Variants in FAM107A observed in about 807,000 individuals in gnomAD.
FAM107A encodes family with sequence similarity 107 member A, also known as actin-associated protein FAM107A.
Under a neutral mutation model 13.7 loss-of-function variants are expected in FAM107A, and 19 were observed. That is an observed-to-expected ratio of 1.38 (90% CI 0.97 to 2.03). FAM107A has a LOEUF of 2.03. Among genes scored for constraint, FAM107A ranks in the 30% most tolerant of loss-of-function variants. FAM107A has a pLI of 0.00. For synonymous variants in FAM107A, 82 were observed against 74.5 expected, an observed-to-expected ratio of 1.10 and a Z score of -0.52; for missense variants, 203 against 184.4, an observed-to-expected ratio of 1.10 and a Z score of -0.58.
rs115687220 is a variant in FAM107A at position 58,622,878 on chromosome 3, T to C, written c.-70+4538A>G. 2.0e-3 allele frequency among the ~76,000 whole-genome samples: 302 copies of C among 152,278 alleles called. 2 individuals are homozygous for C. The highest frequency in any genetic ancestry group is 6.7e-3 in the African/African-American group (280 of 41,560). The stretch of plus-strand genomic sequence containing the variant: ...TCCCACTCTGGGCACAGGAGTCCTT[T>C]GGGAACCCAGCTGTGGAGTCCCAAT... On this transcript the variant is annotated intron_variant, in intron 1 of 3. Coordinates refer to the FAM107A transcript ENST00000465970.
intron 1 of FAM107A, among the ~76,000 whole-genome samples, chr3:58,619,060 G>A (rs73076297): frequency 0.024 from 3,704 of 152,278 alleles, 60 homozygotes; most frequent in Middle Eastern, 0.041. Flanking sequence ...GAGTGCAGTG[G>A]TGCTACCATG....
intron 2 of FAM107A, among the ~76,000 whole-genome samples, chr3:58,567,690 T>C (rs2063636910): frequency 6.6e-6 from 1 of 152,216 alleles, no homozygotes; most frequent in Non-Finnish European, 1.5e-5. Context: ...TGGGTCAGGC[T>C]CTTTAAAAAG....
At chr3:58,602,843 T>C (rs2065763948) in intron 1 of FAM107A, among the ~76,000 whole-genome samples, 1 of 152,222 alleles carries the variant, frequency 6.6e-6, no homozygotes, top group Admixed American at 6.5e-5. Flanking sequence ...ACCAACCTAA[T>C]ATATACATGT....
intron 1 of FAM107A, among the ~76,000 whole-genome samples, chr3:58,593,088 G>T (rs1248296894): frequency 6.6e-6 from 1 of 152,100 alleles, no homozygotes; most frequent in Non-Finnish European, 1.5e-5. Context: ...ACTGCCTTCT[G>T]CCTGCAGGAC....
chr3:58,608,897 G>A (rs1449401397), intron 1 of FAM107A: 2 of 152,200 alleles, frequency 1.3e-5, no homozygotes, highest in African/African-American at 4.8e-5. Flanking sequence ...AATAGCCTGG[G>A]CATTCTTTTA....
At chr3:58,589,043 T>G (rs889577439), upstream of FAM107A, among the ~76,000 whole-genome samples, 1 of 152,090 alleles carries the variant, frequency 6.6e-6, no homozygotes, top group Non-Finnish European at 1.5e-5. Context: ...GAGCCAGAAT[T>G]TGAACCCAGA....
At chr3:58,595,136 C>G (rs2065686964) in intron 1 of FAM107A, among the ~76,000 whole-genome samples, 1 of 152,100 alleles carries the variant, frequency 6.6e-6, no homozygotes, top group Non-Finnish European at 1.5e-5. Context: ...TCCCACACCC[C>G]CCCAGTCCCA....
At chr3:58,567,408 C>T (rs766597521) in intron 2 of FAM107A, 44 bp from the exon 3 acceptor site, 17 of 1,573,036 alleles carry the variant, frequency 1.1e-5, no homozygotes, top group East Asian at 2.3e-5. Flanking sequence ...ATCACCTTCC[C>T]GCTTCCCCCA....
At chr3:58,608,281 T>C (rs980438403) in intron 1 of FAM107A, among the ~76,000 whole-genome samples, 10 of 152,262 alleles carry the variant, frequency 6.6e-5, no homozygotes, top group African/African-American at 2.4e-4. Flanking sequence ...ATTTTCGTCA[T>C]TCATTTTTCT....
At position 58,577,247 on chromosome 3, in the gene FAM107A, C is replaced by T. The variant is rs372270753; in HGVS notation, c.-6+62G>A. The T allele has an allele frequency of 4.2e-5, 37 of 884,132 alleles. 1 individual carries two copies. In the South Asian group the frequency reaches 1.8e-3, roughly 42 times the overall value. 54.8% of individuals were successfully genotyped at this position (884,132 alleles called of 1,614,324 possible). A position where few individuals can be genotyped will look rare whatever the true frequency, so the allele number is the denominator to read the frequency against. ...GTACCGGGTCTGCCCTCCTTCCCTT[C>T]CACCTCCTCCCGAACGGCACCGCTC... On this transcript the variant is annotated intron_variant, in intron 1 of 3. Coordinates refer to ENST00000360997, the MANE Select transcript of FAM107A (RefSeq NM_001076778.3). The surrounding 1 kb of genome is among the most constrained non-coding windows in gnomAD (Gnocchi z 4.9).
At chr3:58,602,519 A>G (rs2065761412) in intron 1 of FAM107A, among the ~76,000 whole-genome samples, 1 of 152,232 alleles carries the variant, frequency 6.6e-6, no homozygotes, top group Non-Finnish European at 1.5e-5. Context: ...ATGAACAAGC[A>G]TTGTTCAAGA....
rs1003812672 is a variant in FAM107A, at chr3:58,570,547, G to A, written c.-5-682C>T. 2.6e-5 allele frequency: 4 copies of A among 151,388 alleles called. No individual in the cohort carries two copies. The Admixed American group carries it at 3.0e-4, about 11-fold the overall frequency. The allele number at this position is 151,388 out of a possible 1,614,324, so 9.4% of individuals were successfully genotyped here. On this transcript the variant is annotated intron_variant, in intron 1 of 3. Transcript: ENST00000360997. The stretch of plus-strand genomic sequence containing the variant: ...CAAGGGCTCCCTCTTCTACAAACTG[G>A]CTCCTTATCCTTGAAATGCCCAAAA...
chr3:58,599,132 G>A (rs1276930476), intron 1 of FAM107A, among the ~76,000 whole-genome samples: 1 of 151,904 alleles, frequency 6.6e-6, no homozygotes, highest in Non-Finnish European at 1.5e-5. Flanking sequence ...AGTAGAGATG[G>A]GTTTTCACCA....
At chr3:58,586,833 C>T (rs896387515) in intron 1 of FAM107A, 2 of 1,518,916 alleles carry the variant, frequency 1.3e-6, no homozygotes, top group Non-Finnish European at 1.8e-6. Flanking sequence ...CTTCCCGCGG[C>T]GAGGGTGGCG....
chr3:58,566,284 C>T lies in FAM107A; in HGVS notation c.*304G>A, dbSNP rs1459616556. The T allele has an allele frequency of 1.9e-5, 6 of 318,384 alleles. No homozygotes were observed. The Admixed American group carries it at 1.9e-4, about 10-fold the overall frequency. 19.7% of individuals were successfully genotyped at this position (318,384 alleles called of 1,614,324 possible). A position where few individuals can be genotyped will look rare whatever the true frequency, so the allele number is the denominator to read the frequency against. On this transcript the variant is annotated 3_prime_UTR_variant, in exon 4 of 4. Coordinates refer to ENST00000360997, the MANE Select transcript of FAM107A (RefSeq NM_001076778.3). ...CAGAAGGCTTGTCAAGTCAGAGGGCCACCTCTTCCTCCTCAATTCTGCCAG... is the reference window on the plus strand; with the variant it reads ...CAGAAGGCTTGTCAAGTCAGAGGGCTACCTCTTCCTCCTCAATTCTGCCAG...
Position 58,617,402 on chromosome 3 carries a change from G to A in FAM107A, c.-70+10014C>T, listed in dbSNP as rs1243725165. ...TATGGGACACCTCAGGCCCCGTCCT[G>A]AGCTTCCTGAGGAGCCGGATGTCAC... On this transcript the variant is annotated intron_variant, in intron 1 of 3. Transcript: ENST00000465970. This position sits in a 1 kb window ranked among gnomAD's most constrained non-coding sequence, Gnocchi z 4.5. Among the ~76,000 whole-genome samples the A allele has an allele frequency of 1.3e-5, 2 of 152,122 alleles. No homozygotes were observed. The highest frequency in any genetic ancestry group is 4.8e-5 in the African/African-American group (2 of 41,422).
chr3:58,614,706 T>C lies in FAM107A; in HGVS notation c.-70+12710A>G, dbSNP rs148722136. Reference sequence around the variant, plus strand: ...TTTTAGTAGAGACAGGGTTTTGCCATGTTGGCCAGGCTGGTCTTGAACTCC... The same window carrying C: ...TTTTAGTAGAGACAGGGTTTTGCCACGTTGGCCAGGCTGGTCTTGAACTCC... On this transcript the variant is annotated intron_variant, in intron 1 of 3. Coordinates refer to the FAM107A transcript ENST00000465970. Among the ~76,000 whole-genome samples, 816 of 152,230 alleles carry C rather than the reference T, an allele frequency of 5.4e-3. 12 individuals are homozygous for C. The highest frequency in any genetic ancestry group is 0.019 in the African/African-American group (771 of 41,512).
chr3:58,603,457 G>A (rs1205526296), intron 1 of FAM107A, among the ~76,000 whole-genome samples: 1 of 152,126 alleles, frequency 6.6e-6, no homozygotes, highest in Admixed American at 6.5e-5. Context: ...CTTCTTGAGG[G>A]ACAGCTCTCA....
chr3:58,593,467 A>G (rs1208803619), intron 1 of FAM107A, among the ~76,000 whole-genome samples: 1 of 152,130 alleles, frequency 6.6e-6, no homozygotes, highest in East Asian at 1.9e-4. Context: ...CCAAACCATC[A>G]TAACTGATAT....
Sources: allele counts gnomAD v4.1 joint callset (sites outside exome capture counted in the v4.1 genomes callset), GRCh38; gene constraint gnomAD v4.1.1; non-coding constraint Gnocchi (gnomAD v3.1); transcripts MANE v1.5; gene names NCBI Gene and HGNC (gene_info 2026-07-23, HGNC 2026-07-21).